ZNF208: variants seen among roughly 807,000 people sequenced by gnomAD.
The protein encoded by ZNF208 is zinc finger protein 208, also known as zinc finger protein 95.
A neutral mutation model predicts 12.1 loss-of-function variants in ZNF208; 10 were observed. The observed-to-expected ratio is 0.83, with a 90% CI of 0.51 to 1.40. ZNF208 has a LOEUF of 1.40. Ranked by LOEUF, ZNF208 falls within the 40% of genes most tolerant of loss-of-function variation. The pLI is 0.00. For missense variants in ZNF208, 1,652 were observed against 1,485.0 expected, an observed-to-expected ratio of 1.11 and a Z score of -1.85; for synonymous variants, 497 against 488.4, an observed-to-expected ratio of 1.02 and a Z score of -0.23.
intron 1 of ZNF208, chr19:21,997,796 A>C (rs1970865432): frequency 1.3e-5 from 2 of 152,742 alleles, no homozygotes; most frequent in Non-Finnish European, 2.9e-5. Context: ...GGGTTTTAGC[A>C]TGAGTCCAGA....
intron 3 of ZNF208, among the ~76,000 whole-genome samples, chr19:21,978,604 T>A (rs1970477257): frequency 6.6e-6 from 1 of 152,054 alleles, no homozygotes; most frequent in African/African-American, 2.4e-5. Flanking sequence ...GATAAATCCA[T>A]AAAGATGGGG....
chr19:21,943,426 A>T (rs1279031147), intron 4 of ZNF208, among the ~76,000 whole-genome samples: 3 of 152,240 alleles, frequency 2.0e-5, no homozygotes, highest in African/African-American at 7.2e-5. Flanking sequence ...CATTGCATGA[A>T]CTTTATACAG....
At position 21,970,866 on chromosome 19, in the gene ZNF208, T is replaced by A. The variant is rs1970266167; in HGVS notation, c.*325A>T. On this transcript the variant is annotated 3_prime_UTR_variant, in exon 4 of 4. Coordinates refer to ENST00000397126, the MANE Select transcript of ZNF208 (RefSeq NM_007153.3). The stretch of plus-strand genomic sequence containing the variant: ...ACTTTCTTCACATTTGTAGGGTTTC[T>A]CTCCAGTATGAATTTTCTATGATAA... The A allele has an allele frequency of 6.6e-7, 1 of 1,512,394 alleles. No homozygotes were observed. Among genetic ancestry groups the A allele is most frequent in the African/African-American group, 1.4e-5 (1 of 72,604 alleles). The allele number at this position is 1,512,394 out of a possible 1,614,324, so 93.7% of individuals were successfully genotyped here.
At chr19:21,961,036 A>C (rs1302021591) in intron 4 of ZNF208, among the ~76,000 whole-genome samples, 1 of 152,204 alleles carries the variant, frequency 6.6e-6, no homozygotes, top group Non-Finnish European at 1.5e-5. Context: ...TTTGCATCAC[A>C]GTTGAAATCT....
intron 1 of ZNF208, among the ~76,000 whole-genome samples, chr19:21,992,371 G>C (rs1970756213): frequency 1.3e-5 from 2 of 152,014 alleles, no homozygotes; most frequent in African/African-American, 4.8e-5. Flanking sequence ...TAGTTTTATG[G>C]AAAGTTCAAG....
chr19:21,982,580 A>G (rs1355631882), intron 3 of ZNF208, among the ~76,000 whole-genome samples: 3 of 152,168 alleles, frequency 2.0e-5, no homozygotes, highest in African/African-American at 7.2e-5. Flanking sequence ...AAAAGAACAA[A>G]GCTGGAGGCA....
rs781216830 is a variant in ZNF208, at chr19:21,973,897, C to A, written c.1137G>T (p.Lys379Asn). The A allele has an allele frequency of 1.9e-6, 3 of 1,609,932 alleles. No individual in the cohort carries two copies. The highest frequency in any genetic ancestry group is 2.5e-6 in the Non-Finnish European group (3 of 1,178,996). ...TATGATAACTAAGGGTTGAGGGCCA[C>A]TTATAGGCTTTGCCGCATTCTTCAC... ...YKCEECGKAY[K>N]WPSTLSYHKK... Residue 379 changes from lysine to asparagine, a missense_variant, in exon 4 of 4, where the codon AAG becomes AAT. Coordinates refer to ENST00000397126, the MANE Select transcript of ZNF208 (RefSeq NM_007153.3).
In ZNF208 at chr19:22,010,917, A is replaced by T; in HGVS notation, c.-123T>A. ...ACACAGCAGTAAGGACGAGACCTTG[A>T]CCTCCGGCTGCAGCGAGAGACAAAG... is the stretch of plus-strand genomic sequence containing the variant. On this transcript the variant is annotated 5_prime_UTR_variant, in exon 1 of 4. Transcript: ENST00000397126. 7.0e-7 allele frequency: 1 copy of T among 1,425,114 alleles called. No homozygotes were observed. Among genetic ancestry groups the T allele is most frequent in the Non-Finnish European group, 9.8e-7 (1 of 1,016,964 alleles). The allele number at this position is 1,425,114 out of a possible 1,614,324, so 88.3% of individuals were successfully genotyped here.
downstream of ZNF208, among the ~76,000 whole-genome samples, chr19:21,965,082 C>T (rs370165170): frequency 1.9e-3 from 296 of 152,022 alleles, no homozygotes; most frequent in Middle Eastern, 6.8e-3. Context: ...TAAATAACTG[C>T]TTTCCAGTAA....
rs1459150019 is a variant in ZNF208 at position 21,987,276 on chromosome 19, G to A, written c.166C>T (p.Leu56=). 1 of 1,611,746 alleles carries A rather than the reference G, an allele frequency of 6.2e-7. No homozygotes were observed. The highest frequency in any genetic ancestry group is 1.3e-5 in the African/African-American group (1 of 74,682). ...AAFKPDLIIF[L]EEGKESWNMK... ...TTCCAGGACTCTTTTCCTTCCTCCA[G>A]AAAAATGATCAGGTCTGGCTTAAAG... The change falls in exon 3 of 4, where the codon CTG becomes TTG. Residue 56 remains leucine, a synonymous_variant. Transcript: ENST00000397126.
chr19:21,973,283 T>G lies in ZNF208; in HGVS notation c.1751A>C (p.Glu584Ala). Residue 584 changes from glutamate to alanine, a missense_variant, in exon 4 of 4, where the codon GAA becomes GCA. Around this residue, in one of 3 missense-constraint regions of ZNF208, gnomAD observed 1,239 missense variants for 1,086.2 expected, o/e 1.14. Transcript: ENST00000397126. ...TTGGTTAAAAGCTTTGCCACATTCT[T>G]CACATTTGTAGGGTTTCTCTACAGT... is the stretch of plus-strand genomic sequence containing the variant. ...IHTVEKPYKC[E>A]ECGKAFNQSA... 1 of 1,611,316 alleles carries G rather than the reference T, an allele frequency of 6.2e-7. No individual in the cohort carries two copies. The highest frequency in any genetic ancestry group is 8.5e-7 in the Non-Finnish European group (1 of 1,178,592).
intron 4 of ZNF208, among the ~76,000 whole-genome samples, chr19:21,947,286 C>G (rs572551779): frequency 6.6e-6 from 1 of 152,238 alleles, no homozygotes; most frequent in South Asian, 2.1e-4. Flanking sequence ...TTTTTTCTCT[C>G]CATGTGAAAG....
intron 3 of ZNF208, among the ~76,000 whole-genome samples, chr19:21,980,967 A>G (rs1970527000): frequency 6.6e-6 from 1 of 152,210 alleles, no homozygotes; most frequent in Admixed American, 6.5e-5. Context: ...TCTAAAAGAA[A>G]TGAATAAATT....
downstream of ZNF208, among the ~76,000 whole-genome samples, chr19:21,964,302 G>A (rs1323973549): frequency 6.6e-6 from 1 of 151,646 alleles, no homozygotes; most frequent in Non-Finnish European, 1.5e-5. Flanking sequence ...TAAATATCAT[G>A]AACAGTCAGA....
At chr19:21,979,068 T>C (rs1970487260) in intron 3 of ZNF208, among the ~76,000 whole-genome samples, 1 of 152,190 alleles carries the variant, frequency 6.6e-6, no homozygotes, top group South Asian at 2.1e-4. Flanking sequence ...CCAAGAAATA[T>C]GGGACTATGT....
At chr19:21,953,230 G>A (rs764372041) in intron 4 of ZNF208, among the ~76,000 whole-genome samples, 2 of 152,180 alleles carry the variant, frequency 1.3e-5, no homozygotes, top group African/African-American at 2.4e-5. Context: ...AACCAAGTAG[G>A]AAGATGCTCT....
chr19:21,942,169 T>C (rs922388763), intron 4 of ZNF208, among the ~76,000 whole-genome samples: 1 of 152,192 alleles, frequency 6.6e-6, no homozygotes, highest in African/African-American at 2.4e-5. Context: ...AATATTTTAA[T>C]GAAAAGTTTT....
intron 4 of ZNF208, among the ~76,000 whole-genome samples, chr19:21,957,907 C>T (rs1970001373): frequency 1.3e-5 from 2 of 151,670 alleles, no homozygotes; most frequent in South Asian, 2.1e-4. Flanking sequence ...CATATGTATA[C>T]ATGTGCCATG....
chr19:22,005,311 T>C (rs1971025531), intron 1 of ZNF208, among the ~76,000 whole-genome samples: 1 of 152,156 alleles, frequency 6.6e-6, no homozygotes, highest in African/African-American at 2.4e-5. Context: ...TGTCATCAGA[T>C]CTCTTTTAAG....
Sources: allele counts gnomAD v4.1 joint callset (sites outside exome capture counted in the v4.1 genomes callset), GRCh38; gene constraint gnomAD v4.1.1; regional missense constraint gnomAD v4.1.1; transcripts MANE v1.5; gene names NCBI Gene and HGNC (gene_info 2026-07-23, HGNC 2026-07-21).